The following ZMAT4 variants were observed in gnomAD, a reference collection of about 807,000 sequenced individuals.
The protein encoded by ZMAT4 is zinc finger matrin-type 4, also known as zinc finger matrin-type protein 4.
ZMAT4 carries 17 observed loss-of-function variants against 28.7 expected under a neutral mutation model. The observed-to-expected ratio is 0.59, with a 90% CI of 0.41 to 0.89. ZMAT4 has a LOEUF of 0.89. Ranked by LOEUF, ZMAT4 falls within the 40% of genes least tolerant of loss-of-function variation. The pLI is 0.00. For synonymous variants in ZMAT4, 117 were observed against 109.2 expected (o/e 1.07, Z -0.44); for missense variants, 240 against 283.8 (o/e 0.85, Z 1.11).
intron 1 of ZMAT4, among the ~76,000 whole-genome samples, chr8:40,846,426 T>C (rs1216191074): frequency 3.3e-5 from 5 of 152,160 alleles, no homozygotes; most frequent in Admixed American, 6.5e-5. Flanking sequence ...AGGGAGAGGG[T>C]GTCCTGGGCA....
intron 1 of ZMAT4, among the ~76,000 whole-genome samples, chr8:40,847,017 G>A (rs568551303): frequency 7.2e-5 from 11 of 152,060 alleles, no homozygotes; most frequent in Non-Finnish European, 1.0e-4. Flanking sequence ...GACCAGCCTA[G>A]CCAACATGGT....
chr8:40,593,828 T>C (rs556894042), intron 5 of ZMAT4, among the ~76,000 whole-genome samples: 8 of 152,334 alleles, frequency 5.3e-5, no homozygotes, highest in African/African-American at 1.9e-4. Flanking sequence ...GGTACCTGCG[T>C]CTAATCTTCG....
intron 1 of ZMAT4, among the ~76,000 whole-genome samples, chr8:40,828,994 C>G (rs1316707582): frequency 6.6e-6 from 1 of 152,008 alleles, no homozygotes; most frequent in Non-Finnish European, 1.5e-5. Context: ...TTAGCCTTGT[C>G]CATGGTCCTG....
At chr8:40,701,149 G>A in intron 3 of ZMAT4, among the ~76,000 whole-genome samples, 1 of 152,170 alleles carries the variant, frequency 6.6e-6, no homozygotes, top group Admixed American at 6.5e-5. Context: ...GTTCAGTAGG[G>A]AAATATGTTA....
intron 6 of ZMAT4, among the ~76,000 whole-genome samples, chr8:40,579,325 G>A (rs1804374298): frequency 1.3e-5 from 2 of 152,130 alleles, no homozygotes; most frequent in Non-Finnish European, 2.9e-5. Context: ...TTGTGTGTCT[G>A]TCTGCACATC....
chr8:40,681,652 T>C (rs532228265), intron 4 of ZMAT4, among the ~76,000 whole-genome samples: 1 of 152,320 alleles, frequency 6.6e-6, no homozygotes, highest in Non-Finnish European at 1.5e-5. Flanking sequence ...TTTGTGTAGA[T>C]AGTAGATGCT....
intron 4 of ZMAT4, among the ~76,000 whole-genome samples, chr8:40,676,192 A>C (rs1165483321): frequency 6.6e-6 from 1 of 152,178 alleles, no homozygotes; most frequent in Non-Finnish European, 1.5e-5. Flanking sequence ...AACAGGACTA[A>C]AATGAAATCT....
At chr8:40,830,528 G>A (rs1311751504) in intron 1 of ZMAT4, among the ~76,000 whole-genome samples, 1 of 152,170 alleles carries the variant, frequency 6.6e-6, no homozygotes, top group Non-Finnish European at 1.5e-5. Context: ...TTTTGTGGTT[G>A]TGTGGTATTC....
chr8:40,845,503 G>A (rs773811525), intron 1 of ZMAT4, among the ~76,000 whole-genome samples: 2 of 151,972 alleles, frequency 1.3e-5, no homozygotes, highest in Non-Finnish European at 2.9e-5. Flanking sequence ...AAATAATGCG[G>A]CTTTTGCTGA....
chr8:40,655,059 T>TACACACACAC (rs3038823), intron 5 of ZMAT4, among the ~76,000 whole-genome samples: 2,001 of 148,600 alleles, frequency 0.013, 22 homozygotes, highest in Non-Finnish European at 0.019. Flanking sequence ...AAGGAATACC[T>TACACACACAC]ACACACACAC....
chr8:40,562,343 A>T (rs903398223), intron 6 of ZMAT4, among the ~76,000 whole-genome samples: 7 of 152,152 alleles, frequency 4.6e-5, no homozygotes, highest in African/African-American at 1.7e-4. Flanking sequence ...AATGATTATC[A>T]GTGGTTCCTC....
intron 1 of ZMAT4, among the ~76,000 whole-genome samples, chr8:40,866,472 G>A (rs1194542694): frequency 6.6e-6 from 1 of 152,230 alleles, no homozygotes; most frequent in Non-Finnish European, 1.5e-5. Context: ...AAATCACTTA[G>A]CTTAATAACG....
At chr8:40,576,241 A>G (rs1804258755) in intron 6 of ZMAT4, among the ~76,000 whole-genome samples, 1 of 152,082 alleles carries the variant, frequency 6.6e-6, no homozygotes, top group Non-Finnish European at 1.5e-5. Context: ...TGTGTAGAAA[A>G]CTTATTTAGT....
intron 2 of ZMAT4, among the ~76,000 whole-genome samples, chr8:40,796,592 A>T (rs1354547004): frequency 6.6e-6 from 1 of 152,174 alleles, no homozygotes; most frequent in African/African-American, 2.4e-5. Context: ...AACTTTCAAA[A>T]CTGCAGACCT....
In ZMAT4 at chr8:40,590,191, T is replaced by A. The variant is rs548511985; in HGVS notation, c.578-8930A>T. Among the ~76,000 whole-genome samples, 426 of 145,994 alleles carry A rather than the reference T, an allele frequency of 2.9e-3. 3 individuals are homozygous for A. Among genetic ancestry groups the A allele is most frequent in the African/African-American group, 0.011 (402 of 36,780 alleles). The stretch of plus-strand genomic sequence containing the variant: ...GGCATGCACTACCATGCCTTGCTAA[T>A]TTTTTTTTATTTTTTATTTTTGTTG... On this transcript the variant is annotated intron_variant, in intron 5 of 6. Coordinates refer to ENST00000297737, the MANE Select transcript of ZMAT4 (RefSeq NM_024645.3).
chr8:40,692,327 C>T (rs1021459627), intron 4 of ZMAT4, among the ~76,000 whole-genome samples: 6 of 152,180 alleles, frequency 3.9e-5, no homozygotes, highest in African/African-American at 1.4e-4. Flanking sequence ...ACCTGTCAAA[C>T]TAATGATGTC....
intron 2 of ZMAT4, among the ~76,000 whole-genome samples, chr8:40,796,175 A>T (rs987982755): frequency 1.1e-4 from 16 of 152,166 alleles, no homozygotes; most frequent in Admixed American, 9.8e-4. Context: ...GTATATCAAC[A>T]GATACCCAGT....
intron 1 of ZMAT4, among the ~76,000 whole-genome samples, chr8:40,862,582 AT>A (rs1817536736): frequency 4.1e-5 from 4 of 97,298 alleles, no homozygotes; most frequent in South Asian, 3.4e-4. Flanking sequence ...AAAAAAAAAA[AT>A]TAAAAAAAAA....
At chr8:40,581,537 A>G (rs925103050) in intron 5 of ZMAT4, among the ~76,000 whole-genome samples, 1 of 152,174 alleles carries the variant, frequency 6.6e-6, no homozygotes, top group Non-Finnish European at 1.5e-5. Flanking sequence ...GGCATTTTAT[A>G]CTCAAACAGA....
Sources: gnomAD v4.1 joint callset for allele counts (sites outside exome capture counted in the v4.1 genomes callset) on GRCh38, gnomAD v4.1.1 for gene constraint, MANE v1.5 for transcripts, NCBI Gene and HGNC (gene_info 2026-07-23, HGNC 2026-07-21) for gene names.